COL5A2: variants seen among roughly 807,000 people sequenced by gnomAD.
COL5A2 encodes the protein collagen type V alpha 2 chain.
In COL5A2, 23 loss-of-function variants were observed where a neutral mutation model predicts 208.2. The observed-to-expected ratio is 0.11, with a 90% CI of 0.08 to 0.16. The LOEUF (loss-of-function observed/expected upper bound fraction) is 0.16. Among genes scored for constraint, COL5A2 ranks in the 10% least tolerant of loss-of-function variants. The pLI is 1.00. For missense variants in COL5A2, 1,590 were observed against 1,956.4 expected (o/e 0.81, Z 3.53); for synonymous variants, 625 against 628.5 (o/e 0.99, Z 0.08).
the COL5A2 span, among the ~76,000 whole-genome samples, chr2:189,325,767 T>C: frequency 6.6e-6 from 1 of 152,126 alleles, no homozygotes; most frequent in Non-Finnish European, 1.5e-5. Context: ...TGGGTGTTCC[T>C]CTAAAAGTTT....
chr2:189,086,838 T>C (rs775510121), intron 8 of COL5A2, 68 bp from the exon 9 acceptor site: 2 of 1,299,384 alleles, frequency 1.5e-6, no homozygotes, highest in Non-Finnish European at 2.2e-6. Flanking sequence ...TTCAAAAATG[T>C]TGAATCATCT....
At chr2:189,236,909 T>A in the COL5A2 span, among the ~76,000 whole-genome samples, 123 of 152,028 alleles carry the variant, frequency 8.1e-4, no homozygotes, top group African/African-American at 2.9e-3. Context: ...TAGTTAGCAA[T>A]TTGTGTATCT....
At chr2:189,352,146 G>A in the COL5A2 span, among the ~76,000 whole-genome samples, 2 of 152,040 alleles carry the variant, frequency 1.3e-5, no homozygotes, top group African/African-American at 4.8e-5. Context: ...TTTTTTCAGG[G>A]TTGCATAGTA....
the COL5A2 span, among the ~76,000 whole-genome samples, chr2:189,350,107 A>C: frequency 6.6e-6 from 1 of 152,214 alleles, no homozygotes; most frequent in Non-Finnish European, 1.5e-5. Flanking sequence ...TTATAAAATA[A>C]AACAGTCCTA....
At chr2:189,190,910 T>C (rs1229744471) in intron 1 of COL5A2, among the ~76,000 whole-genome samples, 1 of 152,154 alleles carries the variant, frequency 6.6e-6, no homozygotes, top group Non-Finnish European at 1.5e-5. Flanking sequence ...ACCAAAGGCT[T>C]ACGTGGTTTG....
At position 189,097,130 on chromosome 2, in the gene COL5A2, A is replaced by C. The variant is rs948126681; in HGVS notation, c.456+147T>G. The C allele has an allele frequency of 8.3e-6, 6 of 722,672 alleles. No individual in the cohort carries two copies. In the Admixed American group the frequency reaches 1.4e-4, roughly 16 times the overall value. The allele number at this position is 722,672 out of a possible 1,614,324, so 44.8% of individuals were successfully genotyped here. On this transcript the variant is annotated intron_variant, in intron 6 of 53. Coordinates refer to ENST00000374866, the MANE Select transcript of COL5A2 (RefSeq NM_000393.5). Reference sequence around the variant, plus strand: ...GAAATATCATTTGTGTTATCTAATAAGATAATATACAATTATTATTGTATT... The same window carrying C: ...GAAATATCATTTGTGTTATCTAATACGATAATATACAATTATTATTGTATT...
At chr2:189,264,277 T>C in the COL5A2 span, among the ~76,000 whole-genome samples, 1 of 152,050 alleles carries the variant, frequency 6.6e-6, no homozygotes, top group South Asian at 2.1e-4. Context: ...ATGGAAAACA[T>C]TTAGTATGGA....
At chr2:189,248,049 T>C in the COL5A2 span, among the ~76,000 whole-genome samples, 1 of 152,238 alleles carries the variant, frequency 6.6e-6, no homozygotes, top group African/African-American at 2.4e-5. Context: ...AAATACTTTA[T>C]ACCCAAAATA....
At chr2:189,425,253 A>T in the COL5A2 span, among the ~76,000 whole-genome samples, 1 of 152,208 alleles carries the variant, frequency 6.6e-6, no homozygotes, top group Non-Finnish European at 1.5e-5. Flanking sequence ...TGTTGGTGGG[A>T]ATGCAAATTA....
chr2:189,056,846 C>T, intron 35 of COL5A2, 127 bp downstream of exon 35: 1 of 859,232 alleles, frequency 1.2e-6, no homozygotes, highest in Non-Finnish European at 2.0e-6. Context: ...ATCTCACATG[C>T]CATTATTCTC....
At position 189,051,384 on chromosome 2, in the gene COL5A2, C is replaced by G. The variant is rs6434313; in HGVS notation, c.2867G>C (p.Arg956Pro). 867 of 1,614,048 alleles carry G rather than the reference C, an allele frequency of 5.4e-4. 7 individuals are homozygous for G. In the African/African-American group the frequency reaches 0.01, roughly 19 times the overall value. ...DPGSHGRVGD[R>P]GPAGPPGGPG... ...GCCACCAGGGGGGCCAGCTGGTCCTCGATCTCCCACACGCCCATGAGAGCC... is the reference window on the plus strand; with the variant it reads ...GCCACCAGGGGGGCCAGCTGGTCCTGGATCTCCCACACGCCCATGAGAGCC... Residue 956 changes from arginine (R) to proline (P), a missense_variant, in exon 42 of 54, where the codon CGA (arginine) becomes CCA (proline). Arg to Pro is a moderately radical substitution (Grantham distance 103). Transcript: ENST00000374866.
intron 1 of COL5A2, among the ~76,000 whole-genome samples, chr2:189,211,561 A>C (rs749772502): frequency 6.6e-6 from 1 of 152,172 alleles, no homozygotes; most frequent in African/African-American, 2.4e-5. Flanking sequence ...CAGTAGAAAA[A>C]TAGGCAAAAC....
the COL5A2 span, among the ~76,000 whole-genome samples, chr2:189,377,085 C>A: frequency 2.0e-5 from 3 of 152,278 alleles, no homozygotes; most frequent in African/African-American, 7.2e-5. Context: ...CTGATCCCAA[C>A]TTTTCTGCTT....
At chr2:189,188,254 C>A (rs990784363) in intron 1 of COL5A2, among the ~76,000 whole-genome samples, 3 of 152,148 alleles carry the variant, frequency 2.0e-5, no homozygotes, top group Non-Finnish European at 4.4e-5. Context: ...CAATCTCTTT[C>A]TTCCATTCCC....
At chr2:189,045,307 A>C (rs1434601308) in intron 46 of COL5A2, 75 bp from the exon 47 acceptor site, 32 of 952,542 alleles carry the variant, frequency 3.4e-5, no homozygotes, top group Admixed American at 2.8e-4. Context: ...CAGGATGTCA[A>C]CAATACGTTT....
At chr2:189,314,256 A>G in the COL5A2 span, among the ~76,000 whole-genome samples, 2 of 152,190 alleles carry the variant, frequency 1.3e-5, no homozygotes, top group African/African-American at 4.8e-5. Context: ...CTCAGACCAC[A>G]GTACAAATTT....
At chr2:189,431,161 A>G in the COL5A2 span, among the ~76,000 whole-genome samples, 1 of 152,340 alleles carries the variant, frequency 6.6e-6, no homozygotes, top group South Asian at 2.1e-4. Context: ...AACAAAAAGG[A>G]TATCTACACC....
At chr2:189,116,133 G>A (rs1015115624) in intron 1 of COL5A2, among the ~76,000 whole-genome samples, 4 of 152,206 alleles carry the variant, frequency 2.6e-5, no homozygotes, top group African/African-American at 9.6e-5. Context: ...AAGTTTCTCT[G>A]ACTGTAAAGG....
At chr2:189,317,259 G>A in the COL5A2 span, among the ~76,000 whole-genome samples, 1 of 151,982 alleles carries the variant, frequency 6.6e-6, no homozygotes, top group African/African-American at 2.4e-5. Flanking sequence ...CTAGAATTTT[G>A]TCAGAAATAA....
Sources: gnomAD v4.1 joint callset for allele counts (sites outside exome capture counted in the v4.1 genomes callset) on GRCh38, gnomAD v4.1.1 for gene constraint, MANE v1.5 for transcripts, NCBI Gene and HGNC (gene_info 2026-07-23, HGNC 2026-07-21) for gene names.